NPAS3: variants seen among roughly 807,000 people sequenced by gnomAD.
NPAS3 encodes the protein neuronal PAS domain protein 3.
NPAS3 carries 14 observed loss-of-function variants against 73.1 expected under a neutral mutation model. The observed-to-expected ratio is 0.19, with a 90% CI of 0.13 to 0.30. The LOEUF (loss-of-function observed/expected upper bound fraction) is 0.30, where lower values mean the gene tolerates loss of function less well. Among genes scored for constraint, NPAS3 ranks in the 10% least tolerant of loss-of-function variants. The probability of loss-of-function intolerance (pLI) is 1.00; values close to 1 mark genes in which losing one functional copy is unlikely to be tolerated. For synonymous variants in NPAS3, 620 were observed against 541.5 expected (o/e 1.14, Z -2.01); for missense variants, 1,096 against 1,250.0 (o/e 0.88, Z 1.86).
At chr14:33,652,655 T>A (rs11623701) in intron 5 of NPAS3, among the ~76,000 whole-genome samples, 31 of 151,660 alleles carry the variant, frequency 2.0e-4, no homozygotes, top group African/African-American at 6.5e-4. Context: ...TTGGCTCTGA[T>A]TCAGGCGCCA....
At chr14:33,735,356 A>C (rs73258990) in intron 7 of NPAS3, 24 bp downstream of exon 7, 56,040 of 1,522,748 alleles carry the variant, frequency 0.037, 3,152 homozygotes, top group African/African-American at 0.26. Context: ...GGGAGGGGAG[A>C]CATTGCTGTC....
At chr14:33,753,809 C>A (rs2062034376) in intron 7 of NPAS3, among the ~76,000 whole-genome samples, 1 of 152,070 alleles carries the variant, frequency 6.6e-6, no homozygotes, top group South Asian at 2.1e-4. Flanking sequence ...TTTTTCCCTC[C>A]CACCAAAGTA....
At chr14:33,671,479 G>C (rs373205205) in intron 5 of NPAS3, among the ~76,000 whole-genome samples, 2 of 152,198 alleles carry the variant, frequency 1.3e-5, no homozygotes, top group African/African-American at 4.8e-5. Context: ...GAAAGGCTGT[G>C]TGGTTTAGCT....
At chr14:33,597,506 T>C (rs116131232) in intron 5 of NPAS3, among the ~76,000 whole-genome samples, 6 of 152,356 alleles carry the variant, frequency 3.9e-5, no homozygotes, top group Admixed American at 3.3e-4. Flanking sequence ...AAATGTCTCA[T>C]GGCATCTCAA....
intron 4 of NPAS3, among the ~76,000 whole-genome samples, chr14:33,514,123 T>G (rs1320306077): frequency 6.6e-6 from 1 of 152,026 alleles, no homozygotes; most frequent in East Asian, 1.9e-4. Context: ...CAGTACAATT[T>G]TGTCCATGTC....
At chr14:33,193,324 G>T (rs570723547) in intron 2 of NPAS3, among the ~76,000 whole-genome samples, 22 of 151,890 alleles carry the variant, frequency 1.4e-4, no homozygotes, top group Admixed American at 8.5e-4. Context: ...CTTTCTGAGT[G>T]CCCACTTCGG....
intron 4 of NPAS3, among the ~76,000 whole-genome samples, chr14:33,544,924 T>A (rs558403892): frequency 1.4e-5 from 2 of 148,104 alleles, no homozygotes; most frequent in South Asian, 4.2e-4. Context: ...CTAGAATAGT[T>A]CTTATTTTAA....
chr14:33,394,348 G>A (rs993916972), intron 4 of NPAS3, among the ~76,000 whole-genome samples: 4 of 152,006 alleles, frequency 2.6e-5, no homozygotes, highest in African/African-American at 9.7e-5. Context: ...TTACTAAAGG[G>A]GCACGGTATA....
chr14:33,463,287 A>T (rs924088056), intron 4 of NPAS3, among the ~76,000 whole-genome samples: 9 of 152,212 alleles, frequency 5.9e-5, no homozygotes, highest in African/African-American at 2.2e-4. Context: ...TTTTCCTACA[A>T]AAACTTCTTT....
At chr14:33,764,754 A>C (rs1414633042) in intron 7 of NPAS3, among the ~76,000 whole-genome samples, 1 of 152,256 alleles carries the variant, frequency 6.6e-6, no homozygotes, top group Non-Finnish European at 1.5e-5. Context: ...GGAATAAAAA[A>C]GTTCCCCTCC....
chr14:32,935,930 A>C, upstream of NPAS3, among the ~76,000 whole-genome samples: 1 of 152,264 alleles, frequency 6.6e-6, no homozygotes, highest in East Asian at 1.9e-4. Context: ...GTTTTATAAA[A>C]GATGGAAGAA....
chr14:33,292,000 T>C (rs1022331979), intron 3 of NPAS3, among the ~76,000 whole-genome samples: 1 of 152,192 alleles, frequency 6.6e-6, no homozygotes, highest in Non-Finnish European at 1.5e-5. Context: ...CCGGTCTAAT[T>C]TCTTTGATAA....
intron 4 of NPAS3, among the ~76,000 whole-genome samples, chr14:33,400,839 A>C (rs2937217): frequency 6.6e-6 from 1 of 151,958 alleles, no homozygotes; most frequent in Non-Finnish European, 1.5e-5. Flanking sequence ...TGCCCATAGA[A>C]AAAATTATCC....
At chr14:33,687,776 A>C (rs2060129528) in intron 6 of NPAS3, among the ~76,000 whole-genome samples, 1 of 152,180 alleles carries the variant, frequency 6.6e-6, no homozygotes, top group Admixed American at 6.5e-5. Context: ...CATTTAATTT[A>C]TTATGAATGC....
At chr14:33,534,010 C>A (rs2054151719) in intron 4 of NPAS3, among the ~76,000 whole-genome samples, 1 of 151,894 alleles carries the variant, frequency 6.6e-6, no homozygotes, top group East Asian at 1.9e-4. Context: ...AAAAATGTTA[C>A]CAAATCTTTT....
intron 5 of NPAS3, among the ~76,000 whole-genome samples, chr14:33,563,888 C>T (rs890433995): frequency 2.0e-4 from 31 of 152,200 alleles, no homozygotes; most frequent in African/African-American, 7.5e-4. Flanking sequence ...ATATAGCCAG[C>T]GTTTATGAAA....
chr14:33,522,217 C>T (rs1041132628), intron 4 of NPAS3, among the ~76,000 whole-genome samples: 17 of 152,120 alleles, frequency 1.1e-4, no homozygotes, highest in Non-Finnish European at 2.2e-4. Flanking sequence ...CAGAAATTCA[C>T]GTGACACGTG....
chr14:33,594,708 G>A (rs550017410), intron 5 of NPAS3, among the ~76,000 whole-genome samples: 1 of 152,172 alleles, frequency 6.6e-6, no homozygotes, highest in Admixed American at 6.5e-5. Flanking sequence ...CAGAAGGACC[G>A]ACTGCCTCTT....
chr14:33,681,326 T>TATCA (rs765810184), intron 6 of NPAS3, among the ~76,000 whole-genome samples: 2 of 151,738 alleles, frequency 1.3e-5, no homozygotes, highest in African/African-American at 4.9e-5. Context: ...TCAAGATTTC[T>TATCA]ATCAATGAAC....
Sources: allele counts gnomAD v4.1 joint callset (sites outside exome capture counted in the v4.1 genomes callset), GRCh38; gene constraint gnomAD v4.1.1; transcripts MANE v1.5; gene names NCBI Gene and HGNC (gene_info 2026-07-23, HGNC 2026-07-21).